Variants in CIT observed in about 807,000 individuals in gnomAD.
The protein encoded by CIT is citron Rho-interacting kinase.
Under a neutral mutation model 272.7 loss-of-function variants are expected in CIT, and 79 were observed. That is an observed-to-expected ratio of 0.29 (90% CI 0.24 to 0.35). The LOEUF is 0.35. Among genes scored for constraint, CIT ranks in the 10% least tolerant of loss-of-function variants. The probability of loss-of-function intolerance (pLI) is 1.00; values close to 1 mark genes in which losing one functional copy is unlikely to be tolerated. For synonymous variants in CIT, 948 were observed against 995.6 expected (o/e 0.95, Z 0.90); for missense variants, 1,909 against 2,618.3 (o/e 0.73, Z 5.91).
At chr12:119,745,980 G>A (rs1260335485) in intron 23 of CIT, among the ~76,000 whole-genome samples, 1 of 151,960 alleles carries the variant, frequency 6.6e-6, no homozygotes, top group Non-Finnish European at 1.5e-5. Context: ...TTTTTGCCCA[G>A]CAATAATGAG....
intron 9 of CIT, among the ~76,000 whole-genome samples, chr12:119,808,795 C>T (rs954286167): frequency 3.3e-5 from 5 of 152,186 alleles, no homozygotes; most frequent in Non-Finnish European, 5.9e-5. Flanking sequence ...TAATTAGACA[C>T]TATGTTCAAA....
chr12:119,818,629 C>A (rs1410478143), intron 9 of CIT, among the ~76,000 whole-genome samples: 1 of 152,150 alleles, frequency 6.6e-6, no homozygotes, highest in East Asian at 1.9e-4. Context: ...ATGCTGAGGA[C>A]CTGAAAAATC....
intron 10 of CIT, 34 bp downstream of exon 10, chr12:119,803,172 G>T: frequency 2.0e-6 from 2 of 979,052 alleles, no homozygotes; most frequent in Non-Finnish European, 2.7e-6. Context: ...TTGCATCAAT[G>T]CAGGTCCCTT....
chr12:119,742,225 T>C (rs759080444), intron 24 of CIT, among the ~76,000 whole-genome samples, 186 bp downstream of exon 24: 1 of 152,182 alleles, frequency 6.6e-6, no homozygotes, highest in Non-Finnish European at 1.5e-5. Context: ...TTTTGAAAAC[T>C]GGAAGAACCC....
chr12:119,697,566 T>C lies in CIT; in HGVS notation c.5882+93A>G, dbSNP rs1956298488. On this transcript the variant is annotated intron_variant, in intron 46 of 47. Transcript: ENST00000392521. This position sits in a 1 kb window ranked among gnomAD's most constrained non-coding sequence, Gnocchi z 4.9. ...TTTGAGCTTAAGAACAAAGTGAAGATTGGGAAACATTCTACTGGTTTAGTA... is the reference window on the plus strand; with the variant it reads ...TTTGAGCTTAAGAACAAAGTGAAGACTGGGAAACATTCTACTGGTTTAGTA... The C allele has an allele frequency of 3.8e-6, 5 of 1,299,882 alleles. No individual in the cohort carries two copies. The highest frequency in any genetic ancestry group is 4.3e-6 in the Non-Finnish European group (4 of 939,388). 80.5% of individuals were successfully genotyped at this position (1,299,882 alleles called of 1,614,324 possible). A position where few individuals can be genotyped will look rare whatever the true frequency, so the allele number is the denominator to read the frequency against.
Position 119,688,062 on chromosome 12 carries a change from C to A in CIT, c.*170G>T. 1 of 695,372 alleles carries A rather than the reference C, an allele frequency of 1.4e-6. No individual in the cohort carries two copies. The highest frequency in any genetic ancestry group is 3.1e-4 in the Middle Eastern group (1 of 3,180). The allele number at this position is 695,372 out of a possible 1,614,324, so 43.1% of individuals were successfully genotyped here. A position where few individuals can be genotyped will look rare whatever the true frequency, so the allele number is the denominator to read the frequency against. On this transcript the variant is annotated 3_prime_UTR_variant, in exon 48 of 48. Transcript: ENST00000392521. ...GCTGACAGCTCCGAAGAGCCTCAGCCACCTGCCCCTCCTGGAGACAGGGGT... is the reference window on the plus strand; with the variant it reads ...GCTGACAGCTCCGAAGAGCCTCAGCAACCTGCCCCTCCTGGAGACAGGGGT...
At chr12:119,872,460 A>G (rs561677086) in intron 2 of CIT, among the ~76,000 whole-genome samples, 2 of 152,216 alleles carry the variant, frequency 1.3e-5, no homozygotes, top group Non-Finnish European at 2.9e-5. Flanking sequence ...CTATATGGGA[A>G]AAGAACAAAC....
rs148485769 is a variant in CIT at position 119,693,413 on chromosome 12, C to T, written c.5883-2959G>A. Among the ~76,000 whole-genome samples, 300 of 152,272 alleles carry T rather than the reference C, an allele frequency of 2.0e-3. 3 individuals carry two copies. The highest frequency in any genetic ancestry group is 7.0e-3 in the African/African-American group (291 of 41,560). ...CCAACTACTGATTTTCCAGACATGC[C>T]ACAGGAAAGCAAACACTTTTCTGCC... On this transcript the variant is annotated intron_variant, in intron 46 of 47. Coordinates refer to ENST00000392521, the MANE Select transcript of CIT (RefSeq NM_001206999.2).
intron 3 of CIT, among the ~76,000 whole-genome samples, chr12:119,860,731 G>A (rs1247629852): frequency 6.6e-6 from 1 of 151,440 alleles, no homozygotes; most frequent in African/African-American, 2.4e-5. Flanking sequence ...GGAATTCTGA[G>A]AAGCCATTCC....
In CIT at chr12:119,822,969, A is replaced by G; in HGVS notation, c.962T>C (p.Phe321Ser). ...TTTGGGGTCATCTGGAAATTTCAAA[A>G]ACCGCTGTTCCAAAAAAAATAAGAG... ...TFNNIMNFQR[F>S]LKFPDDPKVS... The change falls in exon 9 of 48, where the codon TTT becomes TCT. Residue 321 changes from phenylalanine (F) to serine (S), a missense_variant. Transcript: ENST00000392521. 2 of 1,606,522 alleles carry G rather than the reference A, an allele frequency of 1.2e-6. No individual in the cohort carries two copies. The highest frequency in any genetic ancestry group is 1.7e-6 in the Non-Finnish European group (2 of 1,178,090).
rs115766978 is a variant in CIT at position 119,695,996 on chromosome 12, C to T, written c.5882+1663G>A. 8.4e-3 allele frequency among the ~76,000 whole-genome samples: 1,274 copies of T among 152,156 alleles called. 15 individuals are homozygous for T. Among genetic ancestry groups the T allele is most frequent in the African/African-American group, 0.029 (1,195 of 41,502 alleles). On this transcript the variant is annotated intron_variant, in intron 46 of 47. Transcript: ENST00000392521. The stretch of plus-strand genomic sequence containing the variant: ...ATTATTTTTTCAAATATTTTCAATC[C>T]ATGGTTTATTGAATCTACAGAGGCA...
rs1047384346 is a variant in CIT at position 119,767,235 on chromosome 12, T to C, written c.2209-53A>G. 132 of 1,330,670 alleles carry C rather than the reference T, an allele frequency of 9.9e-5. 1 individual carries two copies. The highest frequency in any genetic ancestry group is 4.0e-4 in the Middle Eastern group (2 of 5,036). 82.4% of individuals were successfully genotyped at this position (1,330,670 alleles called of 1,614,324 possible). A position where few individuals can be genotyped will look rare whatever the true frequency, so the allele number is the denominator to read the frequency against. ...TGTGCAGAGGGCAGGACACCGCCAA[T>C]GCACGTTAGACATTCACAGGAAACA... On this transcript the variant is annotated intron_variant, in intron 18 of 47. Transcript: ENST00000392521.
intron 7 of CIT, among the ~76,000 whole-genome samples, chr12:119,831,326 G>A (rs868564862): frequency 1.7e-4 from 26 of 152,022 alleles, no homozygotes; most frequent in African/African-American, 5.3e-4. Context: ...AATTCTTAAT[G>A]TAATGATCAA....
In CIT at chr12:119,697,789, G is replaced by A; in HGVS notation, c.5752C>T (p.Pro1918Ser). 6.2e-7 allele frequency: 1 copy of A among 1,614,106 alleles called. No individual in the cohort carries two copies. Among genetic ancestry groups the A allele is most frequent in the Non-Finnish European group, 8.5e-7 (1 of 1,180,030 alleles). ...TAAATCGCTCCTGAGGAAATGGCAG[G>A]GCCCAGGTAGCGCGGGTTCGGGATG... ...LDIPNPRYLG[P>S]AISSGAIYLA... The change falls in exon 46 of 48, where the codon CCT (proline) becomes TCT (serine). Residue 1918 changes from proline (P) to serine (S), a missense_variant. By Grantham distance (74) the Pro-to-Ser change is moderately conservative. Coordinates refer to ENST00000392521, the MANE Select transcript of CIT (RefSeq NM_001206999.2). The surrounding 1 kb of genome is among the most constrained non-coding windows in gnomAD (Gnocchi z 4.9).
rs752587720 is a variant in CIT, at chr12:119,752,169, C to T, written c.2785G>A (p.Glu929Lys). Residue 929 changes from glutamate (E) to lysine (K), a missense_variant, in exon 23 of 48, where the codon GAG (glutamate) becomes AAG (lysine). Around this residue, in one of 8 missense-constraint regions of CIT, gnomAD observed 530 missense variants for 822.4 expected, o/e 0.64. Transcript: ENST00000392521. ...TELQLSLQER[E>K]SQLTALQAAR... ...GCCTGCAGGGCTGTCAACTGTGACT[C>T]GCGCTCCTGCAGGGAGAGCTGTAGC... 5.6e-6 allele frequency: 9 copies of T among 1,612,604 alleles called. No homozygotes were observed. The highest frequency in any genetic ancestry group is 5.0e-5 in the Admixed American group (3 of 60,026).
At position 119,789,872 on chromosome 12, in the gene CIT, A is replaced by AT. The variant is rs772395022; in HGVS notation, c.1296-4808dup. On this transcript the variant is annotated intron_variant, in intron 10 of 47. Coordinates refer to ENST00000392521, the MANE Select transcript of CIT (RefSeq NM_001206999.2). ...AGGCGCACGCCACCACGCCCAGCAA[A>AT]TTTTTTTTTTTTTTTTGTATTCTAG... Among the ~76,000 whole-genome samples, 377 of 141,698 alleles carry AT rather than the reference A, an allele frequency of 2.7e-3. 1 individual carries two copies. Among genetic ancestry groups the AT allele is most frequent in the East Asian group, 0.019 (93 of 4,922 alleles). The allele number at this position is 141,698 out of a possible 152,430, so 93.0% of individuals were successfully genotyped here. A position where few individuals can be genotyped will look rare whatever the true frequency, so the allele number is the denominator to read the frequency against.
At chr12:119,761,670 G>GA (rs1029299298) in intron 19 of CIT, among the ~76,000 whole-genome samples, 1 of 151,522 alleles carries the variant, frequency 6.6e-6, no homozygotes, top group Admixed American at 6.6e-5. Context: ...ATAAAAGAAA[G>GA]AAAAAAATGC....
At chr12:119,769,938 T>C (rs1455971902) in intron 18 of CIT, among the ~76,000 whole-genome samples, 1 of 152,140 alleles carries the variant, frequency 6.6e-6, no homozygotes, top group Non-Finnish European at 1.5e-5. Context: ...AGAGATGAAG[T>C]GCCCTGCTCA....
intron 9 of CIT, among the ~76,000 whole-genome samples, chr12:119,816,169 A>G (rs1343227973): frequency 1.3e-5 from 2 of 152,206 alleles, no homozygotes; most frequent in Admixed American, 6.5e-5. Context: ...ACATGTATAA[A>G]CATGTTAGTG....
Sources: gnomAD v4.1 joint callset for allele counts (sites outside exome capture counted in the v4.1 genomes callset) on GRCh38, gnomAD v4.1.1 for gene constraint, gnomAD v4.1.1 regional missense constraint, Gnocchi (gnomAD v3.1) non-coding constraint, MANE v1.5 for transcripts, NCBI Gene and HGNC (gene_info 2026-07-23, HGNC 2026-07-21) for gene names.